The following SEC14L6 variants were observed in gnomAD, a reference collection of about 807,000 sequenced individuals.
SEC14L6 encodes the protein SEC14-like protein 6.
In SEC14L6, 40 loss-of-function variants were observed where a neutral mutation model predicts 54.1. The ratio of observed to expected loss-of-function variants is 0.74; its 90% CI spans 0.57 to 0.96. The LOEUF (loss-of-function observed/expected upper bound fraction) is 0.96. Among genes scored for constraint, SEC14L6 ranks in the 40% least tolerant of loss-of-function variants. The probability of loss-of-function intolerance (pLI) is 0.00; values close to 1 mark genes in which losing one functional copy is unlikely to be tolerated. For synonymous variants in SEC14L6, 171 were observed against 198.4 expected (o/e 0.86, Z 1.16); for missense variants, 471 against 498.3 (o/e 0.95, Z 0.52).
intron 2 of SEC14L6, among the ~76,000 whole-genome samples, chr22:30,535,887 G>GTTT (rs71643521): frequency 9.0e-4 from 116 of 128,448 alleles, no homozygotes; most frequent in East Asian, 2.8e-3. Flanking sequence ...AGTTTTTTGT[G>GTTT]TTTTTTTTTT....
intron 8 of SEC14L6, among the ~76,000 whole-genome samples, chr22:30,526,968 T>A (rs1936799173): frequency 6.6e-6 from 1 of 151,958 alleles, no homozygotes; most frequent in Admixed American, 6.6e-5. Flanking sequence ...TGTGGTAGTG[T>A]GCATCTATAG....
At chr22:30,545,852 A>T (rs2085793362) in intron 1 of SEC14L6, among the ~76,000 whole-genome samples, 2 of 150,530 alleles carry the variant, frequency 1.3e-5, no homozygotes, top group African/African-American at 4.9e-5. Context: ...TGTTTTTGAG[A>T]CATAGTCTTG....
intron 2 of SEC14L6, among the ~76,000 whole-genome samples, chr22:30,537,355 C>G (rs930671796): frequency 6.6e-6 from 1 of 152,196 alleles, no homozygotes; most frequent in African/African-American, 2.4e-5. Flanking sequence ...TGGCTCATGC[C>G]TGTAATCCCA....
At chr22:30,532,478 G>T in intron 5 of SEC14L6, 47 bp downstream of exon 5, 1 of 1,498,248 alleles carries the variant, frequency 6.7e-7, no homozygotes, top group Non-Finnish European at 9.0e-7. Context: ...CTCAGGGGGT[G>T]AGGGTGCTGT....
At chr22:30,544,402 C>T (rs1246564428) in intron 1 of SEC14L6, 2 of 208,464 alleles carry the variant, frequency 9.6e-6, no homozygotes, top group Non-Finnish European at 1.9e-5. Flanking sequence ...TTTGAAGACC[C>T]TTGACTACCT....
chr22:30,546,209 C>A (rs1464852901), intron 1 of SEC14L6, among the ~76,000 whole-genome samples: 1 of 151,848 alleles, frequency 6.6e-6, no homozygotes, highest in African/African-American at 2.4e-5. Flanking sequence ...GTGGTTAAAA[C>A]CCCATCTCTA....
chr22:30,539,804 T>G (rs976469069), intron 1 of SEC14L6, among the ~76,000 whole-genome samples: 2 of 152,216 alleles, frequency 1.3e-5, no homozygotes, highest in Non-Finnish European at 2.9e-5. Context: ...TTGGCACCCA[T>G]CAGCCACGCC....
intron 2 of SEC14L6, among the ~76,000 whole-genome samples, chr22:30,536,163 T>A (rs1276641264): frequency 6.6e-6 from 1 of 152,068 alleles, no homozygotes; most frequent in African/African-American, 2.4e-5. Flanking sequence ...AGCCCAGCCT[T>A]GTCATAAGTT....
intron 2 of SEC14L6, among the ~76,000 whole-genome samples, chr22:30,537,081 A>G (rs905247730): frequency 7.3e-5 from 11 of 151,690 alleles, no homozygotes; most frequent in African/African-American, 2.7e-4. Context: ...AGTGCCTGGT[A>G]CAGAATAAGT....
At chr22:30,542,876 T>C in intron 1 of SEC14L6, 1 of 1,600,090 alleles carries the variant, frequency 6.2e-7, no homozygotes, top group Non-Finnish European at 8.6e-7. Context: ...AGAACCAACA[T>C]GGACTTTTCC....
chr22:30,542,610 G>T, intron 1 of SEC14L6: 1 of 1,523,806 alleles, frequency 6.6e-7, no homozygotes, highest in Non-Finnish European at 8.8e-7. Context: ...GCCTCGGGCC[G>T]CTGCTCTGCC....
chr22:30,532,530 G>A lies in SEC14L6; in HGVS notation c.418C>T (p.Gln140Ter). The A allele has an allele frequency of 3.2e-6, 5 of 1,548,880 alleles. No homozygotes were observed. The highest frequency in any genetic ancestry group is 1.7e-4 in the Middle Eastern group (1 of 5,980). ...LLLRECELQSQKLGKRVEKII... is the reference protein window; with the variant it reads ...LLLRECELQS ...CCAGGGTGGCACCCACACACCTTCT[G>A]ACTCTGCAGCTCACACTCCCGCAGG... is the stretch of plus-strand genomic sequence containing the variant. The change falls in exon 5 of 12, where the codon CAG (glutamine) becomes TAG (stop). Residue 140 changes from glutamine (Q) to a stop codon, truncating the protein, a stop_gained. Transcript: ENST00000402034. LOFTEE classifies it high-confidence loss of function.
chr22:30,525,547 C>A lies in SEC14L6; in HGVS notation c.912-28G>T, dbSNP rs5753178. On this transcript the variant is annotated intron_variant, in intron 10 of 11. Coordinates refer to ENST00000402034, the MANE Select transcript of SEC14L6 (RefSeq NM_001193336.4). ...GCAGTGGATAGAGCCCCATTGGCGA[C>A]CCCCTGCCTGGGCTCCAGGCCCCTC... 0.012 allele frequency: 19,093 copies of A among 1,610,762 alleles called. 1,060 individuals are homozygous for A. In the African/African-American group the frequency reaches 0.15, roughly 13 times the overall value.
chr22:30,525,851 T>G lies in SEC14L6; in HGVS notation c.746A>C (p.Asp249Ala), dbSNP rs535344580. 18 of 1,613,644 alleles carry G rather than the reference T, an allele frequency of 1.1e-5. 1 individual carries two copies. The South Asian group carries it at 2.0e-4, about 18-fold the overall frequency. Residue 249 changes from aspartate to alanine, a missense_variant, in exon 9 of 12, where the codon GAT (aspartate) becomes GCT (alanine). Coordinates refer to ENST00000402034, the MANE Select transcript of SEC14L6 (RefSeq NM_001193336.4). Reference protein sequence around the residue: ...VEFGGTMTDPDGNPKCLTKIN... With the variant: ...VEFGGTMTDPAGNPKCLTKIN... Reference sequence around the variant, plus strand: ...CTTGGTCAGGCACTTGGGGTTGCCATCGGGGTCAGTCATGGTCCCCCCAAA... The same window carrying G: ...CTTGGTCAGGCACTTGGGGTTGCCAGCGGGGTCAGTCATGGTCCCCCCAAA...
chr22:30,542,076 G>C (rs1474171571), intron 1 of SEC14L6, among the ~76,000 whole-genome samples: 1 of 152,126 alleles, frequency 6.6e-6, no homozygotes, highest in Non-Finnish European at 1.5e-5. Flanking sequence ...GGGACGCCCG[G>C]CTCAGACCCC....
chr22:30,526,599 G>A (rs1209263051), intron 8 of SEC14L6, among the ~76,000 whole-genome samples: 1 of 152,160 alleles, frequency 6.6e-6, no homozygotes, highest in African/African-American at 2.4e-5. Context: ...GCCTGGTGGT[G>A]CACTCCTGTG....
chr22:30,526,617 C>A (rs979913047), intron 8 of SEC14L6, among the ~76,000 whole-genome samples: 5 of 152,274 alleles, frequency 3.3e-5, no homozygotes, highest in African/African-American at 1.2e-4. Flanking sequence ...GTGGTCCCAG[C>A]TACTTGGAAG....
At chr22:30,534,798 G>A (rs531988471) in intron 2 of SEC14L6, among the ~76,000 whole-genome samples, 2 of 152,256 alleles carry the variant, frequency 1.3e-5, no homozygotes, top group South Asian at 4.1e-4. Flanking sequence ...GCCAAGGTGG[G>A]CAGATCACCT....
At chr22:30,526,300 T>C in intron 8 of SEC14L6, among the ~76,000 whole-genome samples, 1 of 152,204 alleles carries the variant, frequency 6.6e-6, no homozygotes, top group Middle Eastern at 3.2e-3. Flanking sequence ...GGTCTTCGCT[T>C]TCCCTTAGAG....
Sources: gnomAD v4.1 joint callset for allele counts (sites outside exome capture counted in the v4.1 genomes callset) on GRCh38, gnomAD v4.1.1 for gene constraint, MANE v1.5 for transcripts, NCBI Gene and HGNC (gene_info 2026-07-23, HGNC 2026-07-21) for gene names.